The following KIF1A variants were observed in gnomAD, a reference collection of about 807,000 sequenced individuals.
KIF1A encodes the protein kinesin-like protein KIF1A.
A neutral mutation model predicts 227.3 loss-of-function variants in KIF1A; 46 were observed. That is an observed-to-expected ratio of 0.20 (90% CI 0.16 to 0.26). The LOEUF is 0.26. Ranked by LOEUF, KIF1A falls within the 10% of genes least tolerant of loss-of-function variation. The pLI is 1.00. For synonymous variants in KIF1A, 1,022 were observed against 1,012.8 expected (o/e 1.01, Z -0.17); for missense variants, 1,683 against 2,485.9 (o/e 0.68, Z 6.87).
intron 31 of KIF1A, 101 bp downstream of exon 31, chr2:240,745,637 C>G: frequency 6.6e-7 from 1 of 1,508,570 alleles, no homozygotes; most frequent in East Asian, 2.4e-5. Context: ...TGGGCCAACA[C>G]AGCACCAACA....
At chr2:240,769,068 G>C (rs1005758162) in intron 17 of KIF1A, 65 bp downstream of exon 17, 78 of 1,430,552 alleles carry the variant, frequency 5.5e-5, no homozygotes, top group Admixed American at 1.9e-5. Context: ...GGCTCTACCT[G>C]AGACAGCACC....
rs146277774 is a variant in KIF1A, at chr2:240,729,532, C to A, written c.4008-2592G>T. Among the ~76,000 whole-genome samples the A allele has an allele frequency of 5.0e-3, 762 of 152,334 alleles. 7 individuals are homozygous for A. Among genetic ancestry groups the A allele is most frequent in the African/African-American group, 0.017 (719 of 41,584 alleles). On this transcript the variant is annotated intron_variant, in intron 38 of 48. Transcript: ENST00000498729. ...GTGGGACACAGCAAAGGAACAAGCC[C>A]AGTGAGGCAGGCAGGACTCCAAGGC...
chr2:240,722,403 A>G (rs965241842), intron 43 of KIF1A, 53 bp downstream of exon 43: 11 of 1,496,416 alleles, frequency 7.4e-6, no homozygotes, highest in Non-Finnish European at 8.1e-6. Flanking sequence ...GAAATGACTC[A>G]GGGCCCTTGA....
At chr2:240,744,273 C>T (rs910259046) in intron 32 of KIF1A, among the ~76,000 whole-genome samples, 10 of 152,160 alleles carry the variant, frequency 6.6e-5, no homozygotes, top group Admixed American at 3.3e-4. Context: ...GTGTGTCCCT[C>T]GGGCTCTCTC....
chr2:240,779,288 CCTCATAGTTCCACA>C (rs1210330485), intron 10 of KIF1A, among the ~76,000 whole-genome samples: 57 of 112,618 alleles, frequency 5.1e-4, no homozygotes, highest in African/African-American at 2.2e-3. Flanking sequence ...TCACTCAGTT[CCTCATAGTTCCACA>C]CTCAGTTCCT....
Position 240,788,038 on chromosome 2 carries a change from C to A in KIF1A, c.363+13G>T. The A allele has an allele frequency of 6.6e-7, 1 of 1,505,822 alleles. No individual in the cohort carries two copies. Among genetic ancestry groups the A allele is most frequent in the South Asian group, 1.2e-5 (1 of 83,350 alleles). The allele number at this position is 1,505,822 out of a possible 1,614,324, so 93.3% of individuals were successfully genotyped here. A position where few individuals can be genotyped will look rare whatever the true frequency, so the allele number is the denominator to read the frequency against. ...TCTGCCAGGGCTGCCCCCGCCCGCC[C>A]CCCGCTTCGTGCCTGTGGGATGATG... On this transcript the variant is annotated intron_variant, in intron 4 of 48. Coordinates refer to ENST00000498729, the MANE Select transcript of KIF1A (RefSeq NM_001244008.2). This position sits in a 1 kb window ranked among gnomAD's most constrained non-coding sequence, Gnocchi z 6.6.
intron 1 of KIF1A, among the ~76,000 whole-genome samples, chr2:240,812,098 G>A (rs913903646): frequency 6.6e-6 from 1 of 152,224 alleles, no homozygotes; most frequent in East Asian, 1.9e-4. Context: ...AAAACCCACT[G>A]GGCGCACCGG....
intron 14 of KIF1A, among the ~76,000 whole-genome samples, chr2:240,771,745 C>T (rs2052023974): frequency 6.6e-6 from 1 of 152,190 alleles, no homozygotes; most frequent in Non-Finnish European, 1.5e-5. Context: ...GAAATTGGCC[C>T]AGAGACCATC....
At chr2:240,745,952 T>C (rs2048547437) in intron 30 of KIF1A, 43 bp from the exon 31 acceptor site, 7 of 1,592,632 alleles carry the variant, frequency 4.4e-6, no homozygotes, top group Admixed American at 1.7e-5. Context: ...CCAGGCCATA[T>C]TGTCTTCCAG....
rs1329388565 is a variant in KIF1A at position 240,773,124 on chromosome 2, G to A, written c.1170C>T (p.Asp390=). 6.2e-7 allele frequency: 1 copy of A among 1,612,608 alleles called. No individual in the cohort carries two copies. Among genetic ancestry groups the A allele is most frequent in the Non-Finnish European group, 8.5e-7 (1 of 1,179,372 alleles). The change falls in exon 13 of 49, where the codon GAC becomes GAT. Residue 390 remains aspartate, a synonymous_variant. Coordinates refer to ENST00000498729, the MANE Select transcript of KIF1A (RefSeq NM_001244008.2). ...RDLLYAQGLG[D]ITDTNTVPGG... is the part of the protein sequence containing the mutation. ...GGAGCAGGCACTCACTGTCAGTGAT[G>A]TCGCCAAGACCCTGGGCGTACAGAA... is the stretch of plus-strand genomic sequence containing the variant.
chr2:240,737,269 C>A lies in KIF1A; in HGVS notation c.3902-101G>T, dbSNP rs2047445412. The stretch of plus-strand genomic sequence containing the variant: ...GTCCTGTCAGCAAGCCAGCTCCCCA[C>A]ATGGTCACTAGAGCGTCTGTCAAAG... On this transcript the variant is annotated intron_variant, in intron 37 of 48. Coordinates refer to ENST00000498729, the MANE Select transcript of KIF1A (RefSeq NM_001244008.2). The A allele has an allele frequency of 4.6e-6, 4 of 871,304 alleles. No homozygotes were observed. In the African/African-American group the frequency reaches 6.6e-5, roughly 14 times the overall value. The allele number at this position is 871,304 out of a possible 1,614,324, so 54.0% of individuals were successfully genotyped here.
Position 240,757,306 on chromosome 2 carries a change from C to T in KIF1A, c.2858+13G>A, listed in dbSNP as rs1207414422. ...TGGGTCCTCCCCAGCATGCTCTCCTCGACCTCACCAACCTTCCTACTAAAC... is the reference window on the plus strand; with the variant it reads ...TGGGTCCTCCCCAGCATGCTCTCCTTGACCTCACCAACCTTCCTACTAAAC... On this transcript the variant is annotated intron_variant, in intron 27 of 48. Coordinates refer to ENST00000498729, the MANE Select transcript of KIF1A (RefSeq NM_001244008.2). The surrounding 1 kb of genome is among the most constrained non-coding windows in gnomAD (Gnocchi z 6.2). The T allele has an allele frequency of 1.5e-5, 23 of 1,549,704 alleles. No homozygotes were observed. The highest frequency in any genetic ancestry group is 1.9e-5 in the Non-Finnish European group (22 of 1,146,472).
At chr2:240,796,896 C>T (rs532505665) in intron 2 of KIF1A, among the ~76,000 whole-genome samples, 5 of 152,322 alleles carry the variant, frequency 3.3e-5, no homozygotes, top group African/African-American at 9.6e-5. Context: ...GCCCTCCCCT[C>T]GGGACGCCCC....
intron 1 of KIF1A, among the ~76,000 whole-genome samples, chr2:240,806,418 A>G (rs2057408773): frequency 6.6e-6 from 1 of 152,208 alleles, no homozygotes. Flanking sequence ...GACATCTGTG[A>G]TCCTATCAGC....
chr2:240,780,904 CCA>C (rs747289027), intron 10 of KIF1A, among the ~76,000 whole-genome samples: 29 of 9,738 alleles, frequency 3.0e-3, no homozygotes, highest in Non-Finnish European at 4.7e-3. Context: ...ACACACAGCT[CCA>C]CACACACACA....
rs369410320 is a variant in KIF1A, at chr2:240,760,840, G to C, written c.2269C>G (p.Gln757Glu). 378 of 1,605,874 alleles carry C rather than the reference G, an allele frequency of 2.4e-4. No homozygotes were observed. The highest frequency in any genetic ancestry group is 3.2e-4 in the Non-Finnish European group (372 of 1,177,182). ...AISVELKKKV[Q>E]FQFVLLTDTL... The stretch of plus-strand genomic sequence containing the variant: ...TCCGTCAGGAGGACAAACTGGAATT[G>C]TACCTGTGACAGGGGAAGATGACCA... Residue 757 changes from glutamine (Q) to glutamate (E), a missense_variant, in exon 25 of 49, where the codon CAA becomes GAA. Transcript: ENST00000498729.
intron 23 of KIF1A, 37 bp from the exon 24 acceptor site, chr2:240,761,414 G>T: frequency 6.5e-7 from 1 of 1,534,012 alleles, no homozygotes; most frequent in South Asian, 1.3e-5. Context: ...TCGCAGGAAG[G>T]CCATGACCCT....
rs367629063 is a variant in KIF1A, at chr2:240,759,785, T to C, written c.2444+880A>G. Among the ~76,000 whole-genome samples the C allele has an allele frequency of 1.1e-4, 16 of 152,270 alleles. No individual in the cohort carries two copies. In the East Asian group the frequency reaches 2.5e-3, roughly 24 times the overall value. On this transcript the variant is annotated intron_variant, in intron 25 of 48. Transcript: ENST00000498729. ...ACTTTGGGAGGCCAGGGTGCAAGGA[T>C]TGGCTGAGGCCAGGAGTTAGAGATC...
At chr2:240,812,937 GGGATCCGCCTTCACCTCAA>G (rs2058032242) in intron 1 of KIF1A, among the ~76,000 whole-genome samples, 3 of 82,284 alleles carry the variant, frequency 3.6e-5, no homozygotes, top group Admixed American at 1.2e-4. Flanking sequence ...CTTCACCTCG[GGGATCCGCCTTCACCTCAA>G]GGATCCACCT....
Sources: allele counts gnomAD v4.1 joint callset (sites outside exome capture counted in the v4.1 genomes callset), GRCh38; gene constraint gnomAD v4.1.1; non-coding constraint Gnocchi (gnomAD v3.1); transcripts MANE v1.5; gene names NCBI Gene and HGNC (gene_info 2026-07-23, HGNC 2026-07-21).